Variants in SLC24A2 observed in about 807,000 individuals in gnomAD.
The protein encoded by SLC24A2 is solute carrier family 24 member 2, also known as sodium/potassium/calcium exchanger 2.
In SLC24A2, 36 loss-of-function variants were observed where a neutral mutation model predicts 62.0. The ratio of observed to expected loss-of-function variants is 0.58; its 90% CI spans 0.44 to 0.77. The LOEUF (loss-of-function observed/expected upper bound fraction) is 0.77, where lower values mean the gene tolerates loss of function less well. Among genes scored for constraint, SLC24A2 ranks in the 30% least tolerant of loss-of-function variants. The pLI is 0.00. For synonymous variants in SLC24A2, 358 were observed against 294.0 expected, an observed-to-expected ratio of 1.22 and a Z score of -2.23; for missense variants, 846 against 817.9, an observed-to-expected ratio of 1.03 and a Z score of -0.42.
At chr9:20,086,973 G>C in the SLC24A2 span, among the ~76,000 whole-genome samples, 1 of 152,114 alleles carries the variant, frequency 6.6e-6, no homozygotes, top group African/African-American at 2.4e-5. Context: ...GATGTTGCAA[G>C]GAAATGACCA....
chr9:20,288,664 A>G, the SLC24A2 span, among the ~76,000 whole-genome samples: 1 of 151,794 alleles, frequency 6.6e-6, no homozygotes, highest in Non-Finnish European at 1.5e-5. Context: ...AGGCTGATGC[A>G]CAAGAATCAC....
the SLC24A2 span, among the ~76,000 whole-genome samples, chr9:20,256,352 C>A: frequency 6.6e-6 from 1 of 152,154 alleles, no homozygotes; most frequent in Non-Finnish European, 1.5e-5. Flanking sequence ...TCTGATGTGT[C>A]CTTCCTGCTA....
chr9:20,088,663 G>T, the SLC24A2 span, among the ~76,000 whole-genome samples: 5 of 152,122 alleles, frequency 3.3e-5, no homozygotes, highest in South Asian at 1.0e-3. Flanking sequence ...CTGGAGGTTG[G>T]AGCAGACCCC....
intron 2 of SLC24A2, among the ~76,000 whole-genome samples, chr9:19,751,268 G>A (rs1364468692): frequency 2.0e-5 from 3 of 152,134 alleles, no homozygotes; most frequent in African/African-American, 7.2e-5. Context: ...ACAACCCTAG[G>A]AGGCCAGAGC....
chr9:19,782,762 T>C (rs909283315), intron 2 of SLC24A2, among the ~76,000 whole-genome samples: 1 of 152,218 alleles, frequency 6.6e-6, no homozygotes, highest in African/African-American at 2.4e-5. Context: ...ATGCTTAACA[T>C]TCATTTCTTC....
intron 8 of SLC24A2, among the ~76,000 whole-genome samples, chr9:19,532,094 G>C (rs370803841): frequency 6.6e-6 from 1 of 151,018 alleles, no homozygotes; most frequent in East Asian, 1.9e-4. Flanking sequence ...TTATTTATTT[G>C]TTTGTTTGAC....
chr9:19,606,338 T>C (rs573239264), intron 4 of SLC24A2, among the ~76,000 whole-genome samples: 1 of 152,216 alleles, frequency 6.6e-6, no homozygotes, highest in African/African-American at 2.4e-5. Flanking sequence ...GTTGTTATGG[T>C]CTCAGGGCCT....
At chr9:20,176,882 C>T in the SLC24A2 span, among the ~76,000 whole-genome samples, 2 of 152,030 alleles carry the variant, frequency 1.3e-5, no homozygotes, top group South Asian at 2.1e-4. Context: ...GAAATATGCA[C>T]CAAACTTCTA....
chr9:20,107,818 T>C, the SLC24A2 span, among the ~76,000 whole-genome samples: 1 of 152,016 alleles, frequency 6.6e-6, no homozygotes, highest in South Asian at 2.1e-4. Context: ...CCAAAAGCAA[T>C]GGCAACAAAA....
intron 8 of SLC24A2, among the ~76,000 whole-genome samples, chr9:19,546,185 G>C (rs1425652091): frequency 1.3e-5 from 2 of 152,234 alleles, no homozygotes; most frequent in African/African-American, 4.8e-5. Context: ...ATGGGTGTCA[G>C]GGACCCACTT....
chr9:20,028,145 C>T, the SLC24A2 span, among the ~76,000 whole-genome samples: 3 of 152,156 alleles, frequency 2.0e-5, no homozygotes, highest in African/African-American at 7.2e-5. Context: ...AGAAGGGATT[C>T]CTGCCAGCTG....
At chr9:19,978,723 G>A in the SLC24A2 span, among the ~76,000 whole-genome samples, 1 of 152,174 alleles carries the variant, frequency 6.6e-6, no homozygotes, top group South Asian at 2.1e-4. Flanking sequence ...GAAGAAAAAA[G>A]AAATTAATTC....
intron 8 of SLC24A2, among the ~76,000 whole-genome samples, chr9:19,530,938 T>G (rs1007920855): frequency 7.9e-5 from 12 of 152,292 alleles, no homozygotes; most frequent in Admixed American, 7.9e-4. Context: ...TAGATTATAC[T>G]GACTCTTTCC....
chr9:20,205,346 C>T, the SLC24A2 span, among the ~76,000 whole-genome samples: 2 of 151,900 alleles, frequency 1.3e-5, no homozygotes, highest in Non-Finnish European at 2.9e-5. Flanking sequence ...GAAAGAATGA[C>T]TTACATAAAA....
the SLC24A2 span, among the ~76,000 whole-genome samples, chr9:19,971,646 T>G: frequency 6.6e-6 from 1 of 152,036 alleles, no homozygotes; most frequent in Non-Finnish European, 1.5e-5. Flanking sequence ...GGCAGGAGCA[T>G]TTGTCTAGCA....
chr9:20,197,570 T>C, the SLC24A2 span, among the ~76,000 whole-genome samples: 35 of 151,410 alleles, frequency 2.3e-4, 1 homozygote, highest in Admixed American at 2.3e-3. Flanking sequence ...TAGCTGACAC[T>C]ACAGGCATGC....
At position 19,651,859 on chromosome 9, in the gene SLC24A2, G is replaced by A. The variant is rs560752206; in HGVS notation, c.931-29560C>T. 7.9e-5 allele frequency among the ~76,000 whole-genome samples: 12 copies of A among 152,238 alleles called. No individual in the cohort carries two copies. In the South Asian group the frequency reaches 1.5e-3, roughly 18 times the overall value. On this transcript the variant is annotated intron_variant, in intron 2 of 10. Transcript: ENST00000341998. ...TACAGGTTTCTCTATGACATGCGCC[G>A]CAGGCTTCAGCAGCTGCGCTCTTAT...
At chr9:19,535,968 C>A (rs981582786) in intron 8 of SLC24A2, among the ~76,000 whole-genome samples, 6 of 150,428 alleles carry the variant, frequency 4.0e-5, no homozygotes, top group South Asian at 4.1e-4. Flanking sequence ...TTCTTCCTAT[C>A]CATGAGCAGG....
chr9:20,272,199 G>C, the SLC24A2 span, among the ~76,000 whole-genome samples: 1 of 152,200 alleles, frequency 6.6e-6, no homozygotes, highest in African/African-American at 2.4e-5. Context: ...TTTGGGAGAA[G>C]CACCAGCACT....
Sources: allele counts gnomAD v4.1 joint callset (sites outside exome capture counted in the v4.1 genomes callset), GRCh38; gene constraint gnomAD v4.1.1; transcripts MANE v1.5; gene names NCBI Gene and HGNC (gene_info 2026-07-23, HGNC 2026-07-21).